Variants in COL6A3 observed in about 807,000 individuals in gnomAD.
COL6A3 encodes collagen alpha-3(VI) chain.
Under a neutral mutation model 274.1 loss-of-function variants are expected in COL6A3, and 137 were observed. That is an observed-to-expected ratio of 0.50 (90% CI 0.44 to 0.58). The LOEUF is 0.58. COL6A3 is among the 20% of genes least tolerant of loss of function. The pLI is 0.00. For synonymous variants in COL6A3, 1,650 were observed against 1,650.6 expected (o/e 1.00, Z 0.01); for missense variants, 3,950 against 4,124.9 (o/e 0.96, Z 1.16).
At chr2:237,326,747 G>A (rs553709832) in intron 42 of COL6A3, 2 of 152,272 alleles carry the variant, frequency 1.3e-5, no homozygotes, top group Admixed American at 6.5e-5. Flanking sequence ...TGTCCCCAGC[G>A]AGGCAGGCTG....
intron 16 of COL6A3, 116 bp from the exon 17 acceptor site, chr2:237,360,275 A>C: frequency 9.7e-7 from 1 of 1,026,718 alleles, no homozygotes; most frequent in East Asian, 2.6e-5. Context: ...AGCAGATTTC[A>C]CCATGGGGAA....
chr2:237,372,414 G>A, intron 8 of COL6A3, 77 bp from the exon 9 acceptor site: 1 of 1,599,134 alleles, frequency 6.3e-7, no homozygotes, highest in Non-Finnish European at 8.5e-7. Context: ...CGCCCAGTTT[G>A]TCATGGATTC....
At chr2:237,331,651 T>C (rs1700230531) in intron 42 of COL6A3, among the ~76,000 whole-genome samples, 1 of 151,890 alleles carries the variant, frequency 6.6e-6, no homozygotes, top group African/African-American at 2.4e-5. Context: ...GCAGGTTAAG[T>C]GCTTGTTTGT....
intron 4 of COL6A3, chr2:237,386,363 A>C (rs1458327543): frequency 6.6e-6 from 1 of 152,254 alleles, no homozygotes; most frequent in Non-Finnish European, 1.5e-5. Flanking sequence ...GGTTATTTTT[A>C]AATTATTTTC....
chr2:237,344,387 G>T lies in COL6A3; in HGVS notation c.7631C>A (p.Thr2544Lys). The change falls in exon 36 of 44, where the codon ACA (threonine) becomes AAA (lysine). Residue 2544 changes from threonine (T) to lysine (K), a missense_variant. By Grantham distance (78) the Thr-to-Lys change is moderately conservative (BLOSUM62 -1). Around this residue, in one of 5 missense-constraint regions of COL6A3, gnomAD observed 1,284 missense variants for 1,349.7 expected, o/e 0.95. Coordinates refer to ENST00000295550, the MANE Select transcript of COL6A3 (RefSeq NM_004369.4). The surrounding 1 kb of genome is among the most constrained non-coding windows in gnomAD (Gnocchi z 4.8). ...GATGAGCTGCCGGTCTTCCTGCCTT[G>T]TAAGGAACAAGGGGGTGATCCCCGC... is the stretch of plus-strand genomic sequence containing the variant. ...SDAGITPLFLTRQEDRQLINA... is the reference protein window; with the variant it reads ...SDAGITPLFLKRQEDRQLINA... The T allele has an allele frequency of 6.2e-7, 1 of 1,614,204 alleles. No individual in the cohort carries two copies. Among genetic ancestry groups the T allele is most frequent in the Non-Finnish European group, 8.5e-7 (1 of 1,180,006 alleles).
At position 237,371,939 on chromosome 2, in the gene COL6A3, T is replaced by C. The variant is rs1197405280; in HGVS notation, c.4078A>G (p.Lys1360Glu). The C allele has an allele frequency of 9.9e-6, 16 of 1,613,860 alleles. No individual in the cohort carries two copies. The Admixed American group carries it at 2.5e-4, about 25-fold the overall frequency. The change falls in exon 9 of 44, where the codon AAG becomes GAG. Residue 1360 changes from lysine (K) to glutamate (E), a missense_variant. Lys to Glu is a moderately conservative substitution (Grantham distance 56, BLOSUM62 1). Around this residue, in one of 5 missense-constraint regions of COL6A3, gnomAD observed 1,934 missense variants for 1,984.3 expected, o/e 0.97. Coordinates refer to ENST00000295550, the MANE Select transcript of COL6A3 (RefSeq NM_004369.4). The surrounding 1 kb of genome is among the most constrained non-coding windows in gnomAD (Gnocchi z 4.3). ...GTGAAAGGGGCCACGCCAAACTGCT[T>C]GAGCTCCACCGCCGGGTCGTCCACC... ...DEVDDPAVEL[K>E]QFGVAPFTIA...
chr2:237,345,162 C>G lies in COL6A3; in HGVS notation c.7125+19G>C. ...AGGCTCATGAGGTTAATGAGTCATT[C>G]TGGACACATGCAACTTACATCGATG... On this transcript the variant is annotated intron_variant, in intron 33 of 43. Coordinates refer to ENST00000295550, the MANE Select transcript of COL6A3 (RefSeq NM_004369.4). 1 of 1,614,174 alleles carries G rather than the reference C, an allele frequency of 6.2e-7. No individual in the cohort carries two copies. Among genetic ancestry groups the G allele is most frequent in the Non-Finnish European group, 8.5e-7 (1 of 1,180,020 alleles).
At chr2:237,372,469 A>G in intron 8 of COL6A3, 132 bp from the exon 9 acceptor site, 1 of 1,539,396 alleles carries the variant, frequency 6.5e-7, no homozygotes. Context: ...TAAAAGTCCA[A>G]GAAGTGGGAG....
intron 4 of COL6A3, among the ~76,000 whole-genome samples, chr2:237,381,916 T>A (rs1456479170): frequency 6.6e-6 from 1 of 152,226 alleles, no homozygotes; most frequent in African/African-American, 2.4e-5. Flanking sequence ...AGTCTTCATT[T>A]CAAAATGCTC....
At position 237,334,675 on chromosome 2, in the gene COL6A3, G is replaced by C. The variant is rs376939353; in HGVS notation, c.9180C>G (p.Cys3060Trp). The change falls in exon 41 of 44, where the codon TGC becomes TGG. Residue 3060 changes from cysteine (C) to tryptophan (W), a missense_variant. Cys to Trp is a radical substitution (Grantham distance 215). This residue lies in a region of COL6A3 where 1,284 missense variants were observed against 1,349.7 expected (regional missense o/e 0.95). Transcript: ENST00000295550. The stretch of plus-strand genomic sequence containing the variant: ...TGGCTCTGACCTGAGACCTCAGGTA[G>C]CAGACCACAGCCACATGGTATGTCT... Reference protein sequence around the residue: ...AGQTYHVAVVCYLRSQVRATY... With the variant: ...AGQTYHVAVVWYLRSQVRATY... 76 of 1,613,662 alleles carry C rather than the reference G, an allele frequency of 4.7e-5. No individual in the cohort carries two copies. The highest frequency in any genetic ancestry group is 6.2e-5 in the Non-Finnish European group (73 of 1,180,020).
Position 237,324,802 on chromosome 2 carries a change from G to A in COL6A3, c.9506C>T (p.Pro3169Leu). 1 of 1,613,684 alleles carries A rather than the reference G, an allele frequency of 6.2e-7. No homozygotes were observed. Among genetic ancestry groups the A allele is most frequent in the Admixed American group, 1.7e-5 (1 of 60,016 alleles). Reference sequence around the variant, plus strand: ...GGTTCCCATCACACTGATGACTCCGGGTTTGGCGAGCACTGAGCGTCGAGA... The same window carrying A: ...GGTTCCCATCACACTGATGACTCCGAGTTTGGCGAGCACTGAGCGTCGAGA... ...EKVCAPVLAK[P>L]GVISVMGT Residue 3169 changes from proline (P) to leucine (L), a missense_variant, in exon 44 of 44, where the codon CCC becomes CTC. Physicochemically the swap from Pro to Leu is moderately conservative, Grantham distance 98. Around this residue, in one of 5 missense-constraint regions of COL6A3, gnomAD observed 1,284 missense variants for 1,349.7 expected, o/e 0.95. Coordinates refer to ENST00000295550, the MANE Select transcript of COL6A3 (RefSeq NM_004369.4).
Position 237,396,804 on chromosome 2 carries a change from C to A in COL6A3, c.14G>T (p.Arg5Leu). Residue 5 changes from arginine to leucine, a missense_variant, in exon 2 of 44, where the codon CGG becomes CTG. Physicochemically the swap from Arg to Leu is moderately radical, Grantham distance 102 (BLOSUM62 -2). This residue lies in a region of COL6A3 where 1,934 missense variants were observed against 1,984.3 expected (regional missense o/e 0.97). Coordinates refer to ENST00000295550, the MANE Select transcript of COL6A3 (RefSeq NM_004369.4). ...AAAGACGGCCACTAAGGGCAAGTGC[C>A]GATGTTTCCTCATTTTGAATTTGTC... MRKHRHLPLVAVFCL... is the reference protein window; with the variant it reads MRKHLHLPLVAVFCL... The A allele has an allele frequency of 6.2e-7, 1 of 1,614,118 alleles. No homozygotes were observed. The highest frequency in any genetic ancestry group is 8.5e-7 in the Non-Finnish European group (1 of 1,180,004).
At chr2:237,381,523 C>T in intron 4 of COL6A3, 24 bp from the exon 5 acceptor site, 3 of 1,551,664 alleles carry the variant, frequency 1.9e-6, no homozygotes, top group Non-Finnish European at 2.6e-6. Flanking sequence ...CATTATAAGG[C>T]AATTAGAATG....
rs945910828 is a variant in COL6A3 at position 237,368,509 on chromosome 2, TA to T, written c.4900+53del. The T allele has an allele frequency of 5.6e-3, 7,210 of 1,295,694 alleles. No homozygotes were observed. The highest frequency in any genetic ancestry group is 0.012 in the Admixed American group (590 of 48,660). 80.3% of individuals were successfully genotyped at this position (1,295,694 alleles called of 1,614,324 possible). A position where few individuals can be genotyped will look rare whatever the true frequency, so the allele number is the denominator to read the frequency against. ...AATGACTACTGATTACTTTTTTAACTAAAAAAAAAATGTTGATGTCACACTC... is the reference window on the plus strand; with the variant it reads ...AATGACTACTGATTACTTTTTTAACTAAAAAAAAATGTTGATGTCACACTC... On this transcript the variant is annotated intron_variant, in intron 10 of 43. Transcript: ENST00000295550. The surrounding 1 kb of genome is among the most constrained non-coding windows in gnomAD (Gnocchi z 4.4).
rs1416475329 is a variant in COL6A3 at position 237,387,833 on chromosome 2, C to T, written c.1061G>A (p.Ser354Asn). 5.6e-6 allele frequency: 9 copies of T among 1,614,086 alleles called. No individual in the cohort carries two copies. The Admixed American group carries it at 1.3e-4, about 24-fold the overall frequency. Residue 354 changes from serine to asparagine, a missense_variant, in exon 4 of 44, where the codon AGT (serine) becomes AAT (asparagine). Ser to Asn is a conservative substitution (Grantham distance 46). This residue lies in a region of COL6A3 where 1,934 missense variants were observed against 1,984.3 expected (regional missense o/e 0.97). Transcript: ENST00000295550. Reference sequence around the variant, plus strand: ...AATCTCGTCACTAGAAGGCCCGGCACTTATGAGGACCAGCACCTGGGGAAC... The same window carrying T: ...AATCTCGTCACTAGAAGGCCCGGCATTTATGAGGACCAGCACCTGGGGAAC... ...EGVPQVLVLI[S>N]AGPSSDEIRY...
At chr2:237,376,576 G>T (rs1213078221) in intron 7 of COL6A3, among the ~76,000 whole-genome samples, 196 bp downstream of exon 7, 1 of 152,190 alleles carries the variant, frequency 6.6e-6, no homozygotes, top group Non-Finnish European at 1.5e-5. Context: ...TCTCCTGAGA[G>T]AGCAGCTAGA....
chr2:237,336,427 G>T lies in COL6A3; in HGVS notation c.8673C>A (p.Thr2891=), dbSNP rs113026406. ...TAATAGTCACAGGCTTTGTTGTGGT[G>T]GTTACAGGCTTTGTTGTGGTGGTCA... ...KPVTTTTKPV[T]TTTKPVTIIN... is the part of the protein sequence containing the mutation. Residue 2891 remains threonine (T), a synonymous_variant, in exon 40 of 44, where the codon ACC becomes ACA. Coordinates refer to ENST00000295550, the MANE Select transcript of COL6A3 (RefSeq NM_004369.4). The T allele has an allele frequency of 1.2e-6, 2 of 1,613,416 alleles. No individual in the cohort carries two copies. Among genetic ancestry groups the T allele is most frequent in the African/African-American group, 1.3e-5 (1 of 74,934 alleles).
At position 237,336,208 on chromosome 2, in the gene COL6A3, C is replaced by T. The variant is rs147324162; in HGVS notation, c.8892G>A (p.Ala2964=). The change falls in exon 40 of 44, where the codon GCG becomes GCA. Residue 2964 remains alanine (A), a synonymous_variant. Coordinates refer to ENST00000295550, the MANE Select transcript of COL6A3 (RefSeq NM_004369.4). ...GTGGCCTAGGGACCTCAGGCTTGGT[C>T]GCCACTGGTTTTGCAGCAGCAGCAG... ...PPAAAAAKPV[A]TKPEVPRPQA... 12 of 1,613,362 alleles carry T rather than the reference C, an allele frequency of 7.4e-6. No individual in the cohort carries two copies. The African/African-American group carries it at 8.0e-5, about 11-fold the overall frequency.
chr2:237,357,019 G>C, intron 23 of COL6A3: 1 of 446,502 alleles, frequency 2.2e-6, no homozygotes. Context: ...CCCTCCCCCA[G>C]TATTAGGATT....
Sources: gnomAD v4.1 joint callset for allele counts (sites outside exome capture counted in the v4.1 genomes callset) on GRCh38, gnomAD v4.1.1 for gene constraint, gnomAD v4.1.1 regional missense constraint, Gnocchi (gnomAD v3.1) non-coding constraint, MANE v1.5 for transcripts, NCBI Gene and HGNC (gene_info 2026-07-23, HGNC 2026-07-21) for gene names.